RHBDL2: variants seen among roughly 807,000 people sequenced by gnomAD.
RHBDL2 encodes rhomboid like 2, also known as rhomboid-related protein 2.
In RHBDL2, 26 loss-of-function variants were observed where a neutral mutation model predicts 31.7. That is an observed-to-expected ratio of 0.82 (90% CI 0.60 to 1.14). The LOEUF (loss-of-function observed/expected upper bound fraction) is 1.14. Among genes scored for constraint, RHBDL2 ranks in the 50% most tolerant of loss-of-function variants. The probability of loss-of-function intolerance (pLI) is 0.00; values close to 1 mark genes in which losing one functional copy is unlikely to be tolerated. For missense variants in RHBDL2, 336 were observed against 364.4 expected (o/e 0.92, Z 0.63); for synonymous variants, 123 against 127.2 (o/e 0.97, Z 0.22).
chr1:38,922,394 AGTAGC>A (rs1308420447), intron 1 of RHBDL2, among the ~76,000 whole-genome samples: 1 of 97,312 alleles, frequency 1.0e-5, no homozygotes, highest in African/African-American at 4.7e-5. Context: ...CAGCCTCCCA[AGTAGC>A]TGGGACTGCA....
chr1:38,900,619 TAAAAAAAGA>T (rs758966787), intron 4 of RHBDL2, among the ~76,000 whole-genome samples: 1 of 150,536 alleles, frequency 6.6e-6, no homozygotes, highest in African/African-American at 2.4e-5. Flanking sequence ...AGACTCTGTC[TAAAAAAAGA>T]AAAAAAAGAG....
chr1:38,909,600 G>A (rs1643114381), intron 4 of RHBDL2, among the ~76,000 whole-genome samples: 1 of 151,898 alleles, frequency 6.6e-6, no homozygotes, highest in African/African-American at 2.4e-5. Context: ...AAATTAGCTG[G>A]GTGTGGTGGC....
At chr1:38,935,220 G>A (rs1166716496) in intron 1 of RHBDL2, among the ~76,000 whole-genome samples, 1 of 152,110 alleles carries the variant, frequency 6.6e-6, no homozygotes, top group Non-Finnish European at 1.5e-5. Flanking sequence ...CCAAATCAAA[G>A]AGATTTTCTG....
At chr1:38,940,477 G>A (rs1029241054) in intron 1 of RHBDL2, among the ~76,000 whole-genome samples, 3 of 152,126 alleles carry the variant, frequency 2.0e-5, no homozygotes, top group Non-Finnish European at 2.9e-5. Flanking sequence ...AAATCACTGG[G>A]AGCGAGCCAT....
intron 4 of RHBDL2, among the ~76,000 whole-genome samples, chr1:38,907,326 G>C (rs568818627): frequency 6.6e-6 from 1 of 152,054 alleles, no homozygotes; most frequent in Non-Finnish European, 1.5e-5. Context: ...GATCACCTGA[G>C]GTCAGGAGTT....
chr1:38,932,589 A>G (rs1643449991), intron 1 of RHBDL2, among the ~76,000 whole-genome samples: 2 of 152,152 alleles, frequency 1.3e-5, no homozygotes, highest in Non-Finnish European at 2.9e-5. Context: ...CCTCCCAAGT[A>G]GCTGGGACTA....
At chr1:38,915,161 TCAC>T in intron 3 of RHBDL2, among the ~76,000 whole-genome samples, 1 of 150,230 alleles carries the variant, frequency 6.7e-6, no homozygotes. Flanking sequence ...AGATGGAGTC[TCAC>T]TCTTGTCCCC....
chr1:38,934,363 T>C (rs540674469), intron 1 of RHBDL2, among the ~76,000 whole-genome samples: 1 of 148,416 alleles, frequency 6.7e-6, no homozygotes, highest in African/African-American at 2.5e-5. Flanking sequence ...AATAAATAAA[T>C]AAAAATAAAA....
At chr1:38,920,685 C>T (rs1364451578) in intron 1 of RHBDL2, among the ~76,000 whole-genome samples, 2 of 150,042 alleles carry the variant, frequency 1.3e-5, no homozygotes, top group African/African-American at 4.9e-5. Flanking sequence ...CGGCTCACTG[C>T]AACCTCCGCC....
chr1:38,893,817 G>A (rs943672707), intron 5 of RHBDL2, among the ~76,000 whole-genome samples: 6 of 152,024 alleles, frequency 3.9e-5, no homozygotes, highest in African/African-American at 1.4e-4. Flanking sequence ...ATAGCTCACT[G>A]CAGCCTCGAA....
chr1:38,891,166 C>T (rs1379071506), intron 6 of RHBDL2, among the ~76,000 whole-genome samples: 2 of 143,356 alleles, frequency 1.4e-5, no homozygotes, highest in South Asian at 2.2e-4. Context: ...GAGGCTGAGA[C>T]AGGAGAATTG....
At chr1:38,912,539 C>T (rs1269786527) in intron 3 of RHBDL2, among the ~76,000 whole-genome samples, 1 of 151,944 alleles carries the variant, frequency 6.6e-6, no homozygotes, top group African/African-American at 2.4e-5. Context: ...GCCTCCCCAG[C>T]AGCTGGGACT....
intron 1 of RHBDL2, among the ~76,000 whole-genome samples, chr1:38,935,220 G>C (rs1166716496): frequency 6.6e-6 from 1 of 152,110 alleles, no homozygotes; most frequent in Non-Finnish European, 1.5e-5. Context: ...CCAAATCAAA[G>C]AGATTTTCTG....
intron 3 of RHBDL2, among the ~76,000 whole-genome samples, chr1:38,914,192 C>G (rs1203426140): frequency 3.3e-5 from 5 of 151,534 alleles, no homozygotes; most frequent in African/African-American, 1.2e-4. Flanking sequence ...CAGTATTATT[C>G]CAGATGGATA....
Position 38,913,043 on chromosome 1 carries a change from C to A in RHBDL2, c.396-1609G>T, listed in dbSNP as rs544744895. ...TGTCACCCAGGCTGGAGTGCGGTGG[C>A]GCGATCTCGGCTCACTGCAACCTCC... On this transcript the variant is annotated intron_variant, in intron 3 of 7. Coordinates refer to ENST00000372990, the MANE Select transcript of RHBDL2 (RefSeq NM_017821.5). Among the ~76,000 whole-genome samples, 221 of 148,374 alleles carry A rather than the reference C, an allele frequency of 1.5e-3. 1 individual carries two copies. Among genetic ancestry groups the A allele is most frequent in the South Asian group, 5.1e-3 (24 of 4,674 alleles).
In RHBDL2 at chr1:38,911,282, G is replaced by T. The variant is rs1249679365; in HGVS notation, c.508+40C>A. On this transcript the variant is annotated intron_variant, in intron 4 of 7. Transcript: ENST00000372990. Reference sequence around the variant, plus strand: ...ATTTCATTTGCTTTTAATCCTAAGAGCCCAGAGGTATTGATTCTGTGTTAC... The same window carrying T: ...ATTTCATTTGCTTTTAATCCTAAGATCCCAGAGGTATTGATTCTGTGTTAC... The T allele has an allele frequency of 8.2e-6, 11 of 1,341,760 alleles. No homozygotes were observed. In the South Asian group the frequency reaches 9.4e-5, roughly 11 times the overall value. The allele number at this position is 1,341,760 out of a possible 1,614,324, so 83.1% of individuals were successfully genotyped here. A position where few individuals can be genotyped will look rare whatever the true frequency, so the allele number is the denominator to read the frequency against.
intron 1 of RHBDL2, chr1:38,929,335 C>A: frequency 8.7e-7 from 1 of 1,154,694 alleles, no homozygotes; most frequent in Non-Finnish European, 1.2e-6. Flanking sequence ...TGGACACAAG[C>A]GTCCAGGACG....
chr1:38,934,128 A>G lies in RHBDL2; in HGVS notation c.-126+7554T>C, dbSNP rs1159565713. 4.1e-5 allele frequency among the ~76,000 whole-genome samples: 6 copies of G among 148,092 alleles called. No homozygotes were observed. In the South Asian group the frequency reaches 6.4e-4, roughly 16 times the overall value. On this transcript the variant is annotated intron_variant, in intron 1 of 7. Transcript: ENST00000372990. ...TTTGGGAAACTGAGGTGGGTGGATC[A>G]TTTGAGGCCAGGAGTTCAAGACCAG...
At chr1:38,918,944 T>A in intron 2 of RHBDL2, 23 bp downstream of exon 2, 4 of 1,602,162 alleles carry the variant, frequency 2.5e-6, no homozygotes, top group Non-Finnish European at 3.4e-6. Flanking sequence ...CTTACCCCGG[T>A]GCCCACCCCG....
Sources: allele counts gnomAD v4.1 joint callset (sites outside exome capture counted in the v4.1 genomes callset), GRCh38; gene constraint gnomAD v4.1.1; transcripts MANE v1.5; gene names NCBI Gene and HGNC (gene_info 2026-07-23, HGNC 2026-07-21).